The following KLC3 variants were observed in gnomAD, a reference collection of about 807,000 sequenced individuals.
The protein encoded by KLC3 is kinesin light chain 3, also known as kinesin light chain 2.
A neutral mutation model predicts 62.9 loss-of-function variants in KLC3; 72 were observed. The ratio of observed to expected loss-of-function variants is 1.15; its 90% CI spans 0.95 to 1.39. The LOEUF (loss-of-function observed/expected upper bound fraction) is 1.39, where lower values mean the gene tolerates loss of function less well. KLC3 is among the 40% of genes most tolerant of loss of function. The probability of loss-of-function intolerance (pLI) is 0.00; values close to 1 mark genes in which losing one functional copy is unlikely to be tolerated. For synonymous variants in KLC3, 377 were observed against 300.5 expected (o/e 1.25, Z -2.63); for missense variants, 848 against 691.6 (o/e 1.23, Z -2.54).
chr19:45,349,200 CA>C (rs1340272903), intron 7 of KLC3, among the ~76,000 whole-genome samples: 5 of 152,228 alleles, frequency 3.3e-5, no homozygotes, highest in African/African-American at 1.2e-4. Flanking sequence ...AGCACAAGCC[CA>C]ACCCTGACCT....
At chr19:45,351,162 G>A (rs901829979) in intron 12 of KLC3, 124 bp from the exon 13 acceptor site, 2 of 1,589,816 alleles carry the variant, frequency 1.3e-6, no homozygotes, top group South Asian at 1.1e-5. Context: ...GCAAAGATGG[G>A]TTTTACTTGG....
At position 45,351,419 on chromosome 19, in the gene KLC3, G is replaced by A. The variant is rs1971769567; in HGVS notation, c.*62G>A. Reference sequence around the variant, plus strand: ...ACAGTGCAGGAGGGATGGGCTGGTGGGGTGAGAGGGGGTCTATCATCTCCT... The same window carrying A: ...ACAGTGCAGGAGGGATGGGCTGGTGAGGTGAGAGGGGGTCTATCATCTCCT... On this transcript the variant is annotated 3_prime_UTR_variant, in exon 13 of 13. Transcript: ENST00000391946. 1.3e-6 allele frequency: 2 copies of A among 1,593,034 alleles called. No individual in the cohort carries two copies. Among genetic ancestry groups the A allele is most frequent in the African/African-American group, 1.3e-5 (1 of 74,694 alleles).
rs377547718 is a variant in KLC3 at position 45,350,714 on chromosome 19, G to C, written c.1346G>C (p.Arg449Pro). ...CGAGGAAGTGAGAAGCTGGTCTCCCGGCTCCGAGGCGAGGCGGCGGCAGGA... is the reference window on the plus strand; with the variant it reads ...CGAGGAAGTGAGAAGCTGGTCTCCCCGCTCCGAGGCGAGGCGGCGGCAGGA... Reference protein sequence around the residue: ...IRRGSEKLVSRLRGEAAAGAA... With the variant: ...IRRGSEKLVSPLRGEAAAGAA... The change falls in exon 11 of 13, where the codon CGG becomes CCG. Residue 449 changes from arginine (R) to proline (P), a missense_variant. Arg to Pro is a moderately radical substitution (Grantham distance 103, BLOSUM62 -2). Transcript: ENST00000391946. The C allele has an allele frequency of 6.2e-7, 1 of 1,613,356 alleles. No homozygotes were observed. The highest frequency in any genetic ancestry group is 8.5e-7 in the Non-Finnish European group (1 of 1,179,786).
In KLC3 at chr19:45,345,694, C is replaced by T; in HGVS notation, c.153C>T (p.Ala51=). 1 of 1,571,526 alleles carries T rather than the reference C, an allele frequency of 6.4e-7. No homozygotes were observed. Among genetic ancestry groups the T allele is most frequent in the Non-Finnish European group, 8.6e-7 (1 of 1,159,600 alleles). Residue 51 remains alanine, a synonymous_variant, in exon 2 of 13, where the codon GCC becomes GCT. Coordinates refer to ENST00000391946, the MANE Select transcript of KLC3 (RefSeq NM_177417.3). ...HHGLAGHLAE[A]LAGQGPAAGL... Reference sequence around the variant, plus strand: ...GCCTGGCTGGGCACCTGGCGGAGGCCCTGGCGGGACAGGGCCCGGCAGCCG... The same window carrying T: ...GCCTGGCTGGGCACCTGGCGGAGGCTCTGGCGGGACAGGGCCCGGCAGCCG...
chr19:45,351,267 C>CCCCTGTGCCTGT lies in KLC3; in HGVS notation c.1444-17_1444-6dup. ...TGCCCCTCACCTCCCCTCCAACCATCCCCTGTGCCTGTCTCCAGTTTCCCA... is the reference window on the plus strand; with the variant it reads ...TGCCCCTCACCTCCCCTCCAACCATCCCCTGTGCCTGTCCCTGTGCCTGTCTCCAGTTTCCCA... On this transcript the variant is annotated intron_variant, in intron 12 of 12. Transcript: ENST00000391946. 1 of 1,611,112 alleles carries CCCCTGTGCCTGT rather than the reference C, an allele frequency of 6.2e-7. No individual in the cohort carries two copies. The highest frequency in any genetic ancestry group is 8.5e-7 in the Non-Finnish European group (1 of 1,179,362).
Position 45,350,438 on chromosome 19 carries a change from C to T in KLC3, c.1234+7C>T, listed in dbSNP as rs1568527189. The T allele has an allele frequency of 1.2e-6, 2 of 1,613,586 alleles. No homozygotes were observed. The highest frequency in any genetic ancestry group is 2.2e-5 in the East Asian group (1 of 44,866). ...GACCTACCCGCCCCTCTCGGTGAGC[C>T]CCTAGCCCCTGTCTGTCTTCCCTCC... On this transcript the variant is annotated splice_region_variant and intron_variant, in intron 9 of 12. Transcript: ENST00000391946.
intron 5 of KLC3, 118 bp downstream of exon 5, chr19:45,348,278 G>A (rs1422314734): frequency 2.2e-6 from 2 of 927,048 alleles, no homozygotes; most frequent in East Asian, 2.7e-5. Context: ...GTCAGGGGAG[G>A]GGACAGCAAG....
chr19:45,349,795 A>C (rs1458004113), intron 8 of KLC3, 193 bp downstream of exon 8: 12 of 574,502 alleles, frequency 2.1e-5, no homozygotes, highest in East Asian at 3.0e-5. Flanking sequence ...AGTCCACGGC[A>C]GCCAGAGGAC....
intron 11 of KLC3, 76 bp from the exon 12 acceptor site, chr19:45,350,878 C>A (rs966492535): frequency 6.5e-7 from 1 of 1,545,828 alleles, no homozygotes; most frequent in Non-Finnish European, 8.9e-7. Flanking sequence ...AGATCAAACC[C>A]TGTGCTGGAA....
chr19:45,349,612 C>G lies in KLC3; in HGVS notation c.1143+10C>G, dbSNP rs776812023. The G allele has an allele frequency of 2.5e-6, 4 of 1,599,830 alleles. No individual in the cohort carries two copies. The highest frequency in any genetic ancestry group is 1.7e-4 in the Middle Eastern group (1 of 6,002). On this transcript the variant is annotated intron_variant, in intron 8 of 12. Coordinates refer to ENST00000391946, the MANE Select transcript of KLC3 (RefSeq NM_177417.3). Reference sequence around the variant, plus strand: ...GACCAAGAACAACCTGGTGAGGCCCCTGGGGCTCAGAGTGGGCCAAGAGTG... The same window carrying G: ...GACCAAGAACAACCTGGTGAGGCCCGTGGGGCTCAGAGTGGGCCAAGAGTG...
At chr19:45,341,775 G>A (rs1246288077) in intron 1 of KLC3, among the ~76,000 whole-genome samples, 2 of 59,440 alleles carry the variant, frequency 3.4e-5, no homozygotes, top group African/African-American at 1.1e-4. Flanking sequence ...AGCCGTGTGT[G>A]CGTGTGTGTG....
chr19:45,343,227 G>A (rs909457430), intron 1 of KLC3, among the ~76,000 whole-genome samples: 3 of 152,314 alleles, frequency 2.0e-5, no homozygotes, highest in South Asian at 2.1e-4. Context: ...GGGGGACAGC[G>A]AGTGTCACGG....
intron 1 of KLC3, among the ~76,000 whole-genome samples, chr19:45,343,184 G>A (rs1568520120): frequency 6.6e-6 from 1 of 152,156 alleles, no homozygotes; most frequent in Non-Finnish European, 1.5e-5. Flanking sequence ...GGCACATTGT[G>A]GGGAGTTGGC....
chr19:45,349,800 G>A (rs1351108972), intron 8 of KLC3, 198 bp downstream of exon 8: 2 of 568,252 alleles, frequency 3.5e-6, no homozygotes, highest in East Asian at 3.0e-5. Flanking sequence ...ACGGCAGCCA[G>A]AGGACAGCCA....
In KLC3 at chr19:45,349,573, C is replaced by T. The variant is rs1568525677; in HGVS notation, c.1114C>T (p.Pro372Ser). ...TGAGGCACTGGGCGGGCCCCATGAC[C>T]CCAACGTGGCCAAGACCAAGAACAA... ...IYEALGGPHD[P>S]NVAKTKNNLA... is the part of the protein sequence containing the mutation. The change falls in exon 8 of 13, where the codon CCC (proline) becomes TCC (serine). Residue 372 changes from proline (P) to serine (S), a missense_variant. By Grantham distance (74) the Pro-to-Ser change is moderately conservative. Transcript: ENST00000391946. The T allele has an allele frequency of 7.4e-6, 12 of 1,613,034 alleles. No individual in the cohort carries two copies. Among genetic ancestry groups the T allele is most frequent in the Non-Finnish European group, 1.0e-5 (12 of 1,179,366 alleles).
Position 45,350,525 on chromosome 19 carries a change from A to ACAGG in KLC3, c.1249_1252dup (p.Thr418ArgfsTer5), listed in dbSNP as rs755980703. On this transcript the variant is annotated frameshift_variant, in exon 10 of 13. Transcript: ENST00000391946. LOFTEE classifies it high-confidence loss of function. The stretch of plus-strand genomic sequence containing the variant: ...ATCTTTCCCCCTAGGTGCCCCCAAC[A>ACAGG]CAGGCACAGCTGGTGACGCAGAACA... The ACAGG allele has an allele frequency of 1.9e-6, 3 of 1,612,206 alleles. No homozygotes were observed. The African/African-American group carries it at 4.0e-5, about 22-fold the overall frequency.
intron 7 of KLC3, among the ~76,000 whole-genome samples, 183 bp downstream of exon 7, chr19:45,349,104 T>G (rs1423139342): frequency 6.6e-6 from 1 of 152,064 alleles, no homozygotes; most frequent in Non-Finnish European, 1.5e-5. Context: ...CAGTTTGGTC[T>G]TGACCCTGAC....
intron 8 of KLC3, chr19:45,349,976 G>A (rs971206320): frequency 2.4e-6 from 1 of 418,768 alleles, no homozygotes; most frequent in African/African-American, 2.0e-5. Context: ...AGGCACCGAG[G>A]CCATGCCACC....
Position 45,346,781 on chromosome 19 carries a change from C to A in KLC3, c.489+7C>A, listed in dbSNP as rs755622572. The A allele has an allele frequency of 6.4e-7, 1 of 1,567,084 alleles. No individual in the cohort carries two copies. Among genetic ancestry groups the A allele is most frequent in the South Asian group, 1.2e-5 (1 of 85,216 alleles). The stretch of plus-strand genomic sequence containing the variant: ...CCCACCGGCGGAGAGCCAGGTGCCA[C>A]GGGCAGGGCGAGGCGGGGGGTGCTG... On this transcript the variant is annotated splice_region_variant and intron_variant, in intron 3 of 12. Coordinates refer to ENST00000391946, the MANE Select transcript of KLC3 (RefSeq NM_177417.3).
Sources: gnomAD v4.1 joint callset for allele counts (sites outside exome capture counted in the v4.1 genomes callset) on GRCh38, gnomAD v4.1.1 for gene constraint, MANE v1.5 for transcripts, NCBI Gene and HGNC (gene_info 2026-07-23, HGNC 2026-07-21) for gene names.